Variants in TRIT1 observed in about 807,000 individuals in gnomAD.
TRIT1 encodes tRNA dimethylallyltransferase.
A neutral mutation model predicts 51.2 loss-of-function variants in TRIT1; 43 were observed. The ratio of observed to expected loss-of-function variants is 0.84; its 90% CI spans 0.66 to 1.08. The LOEUF (loss-of-function observed/expected upper bound fraction) is 1.08, where lower values mean the gene tolerates loss of function less well. Ranked by LOEUF, TRIT1 falls within the 50% of genes least tolerant of loss-of-function variation. TRIT1 has a pLI of 0.00. For missense variants in TRIT1, 528 were observed against 578.4 expected (o/e 0.91, Z 0.89); for synonymous variants, 184 against 203.9 (o/e 0.90, Z 0.83).
intron 1 of TRIT1, among the ~76,000 whole-genome samples, chr1:39,863,696 C>A: frequency 6.9e-6 from 1 of 145,870 alleles, no homozygotes; most frequent in African/African-American, 2.5e-5. Flanking sequence ...CTCTCCAAAT[C>A]AACAGAGCTG....
intron 2 of TRIT1, 40 bp from the exon 3 acceptor site, chr1:39,854,108 T>C (rs746116776): frequency 7.0e-7 from 1 of 1,432,058 alleles, no homozygotes; most frequent in Non-Finnish European, 9.7e-7. Flanking sequence ...AAGAGAATCC[T>C]GACTCACTTT....
intron 1 of TRIT1, among the ~76,000 whole-genome samples, chr1:39,880,552 G>A (rs1644225680): frequency 6.6e-6 from 1 of 152,148 alleles, no homozygotes; most frequent in Non-Finnish European, 1.5e-5. Flanking sequence ...TGGAATCCCA[G>A]CACTTTGGGA....
intron 2 of TRIT1, among the ~76,000 whole-genome samples, chr1:39,855,683 A>G (rs1373167801): frequency 6.6e-6 from 1 of 152,230 alleles, no homozygotes; most frequent in Non-Finnish European, 1.5e-5. Flanking sequence ...GAAAGTGAGC[A>G]AAGAAATGAA....
intron 2 of TRIT1, among the ~76,000 whole-genome samples, chr1:39,855,415 C>T (rs540950452): frequency 6.6e-6 from 1 of 152,296 alleles, no homozygotes; most frequent in East Asian, 1.9e-4. Flanking sequence ...ACAATTTCCA[C>T]AGTAAGATAA....
chr1:39,854,080 GA>G lies in TRIT1; in HGVS notation c.316-13del. On this transcript the variant is annotated splice_polypyrimidine_tract_variant and intron_variant, in intron 2 of 10. Coordinates refer to ENST00000316891, the MANE Select transcript of TRIT1 (RefSeq NM_017646.6). Reference sequence around the variant, plus strand: ...AATATATCTTCAATGTGAACATTAAGAAAGATATCACGATATCAAGAGAATC... The same window carrying G: ...AATATATCTTCAATGTGAACATTAAGAAGATATCACGATATCAAGAGAATC... 1.3e-6 allele frequency: 2 copies of G among 1,558,834 alleles called. No individual in the cohort carries two copies. The highest frequency in any genetic ancestry group is 8.8e-7 in the Non-Finnish European group (1 of 1,137,274).
rs12239482 is a variant in TRIT1, at chr1:39,848,203, C to A, written c.704-106G>T. 169 of 765,762 alleles carry A rather than the reference C, an allele frequency of 2.2e-4. 1 individual carries two copies. The East Asian group carries it at 2.6e-3, about 12-fold the overall frequency. 47.4% of individuals were successfully genotyped at this position (765,762 alleles called of 1,614,324 possible). A position where few individuals can be genotyped will look rare whatever the true frequency, so the allele number is the denominator to read the frequency against. ...CACAAAAAAAGAGAATTTGTCCAAA[C>A]GGAAGAAAGAATTCAGATTCCAAAG... is the stretch of plus-strand genomic sequence containing the variant. On this transcript the variant is annotated intron_variant, in intron 5 of 10. Transcript: ENST00000316891.
intron 1 of TRIT1, among the ~76,000 whole-genome samples, chr1:39,866,751 C>T (rs184331848): frequency 9.2e-5 from 14 of 152,214 alleles, no homozygotes; most frequent in Admixed American, 5.2e-4. Context: ...ATAGGAGGAT[C>T]GCTTGAGCTC....
At chr1:39,880,348 T>C (rs192748686) in intron 1 of TRIT1, among the ~76,000 whole-genome samples, 180 of 152,018 alleles carry the variant, frequency 1.2e-3, no homozygotes, top group Middle Eastern at 6.8e-3. Flanking sequence ...GTTGTTGATA[T>C]TTATTATTGC....
At chr1:39,879,692 G>C (rs557665755) in intron 1 of TRIT1, among the ~76,000 whole-genome samples, 14 of 151,590 alleles carry the variant, frequency 9.2e-5, no homozygotes, top group Non-Finnish European at 7.4e-5. Context: ...TGGCCAACAT[G>C]GTGAAACCCC....
chr1:39,852,935 G>A, intron 3 of TRIT1, 59 bp from the exon 4 acceptor site: 1 of 1,550,122 alleles, frequency 6.5e-7, no homozygotes, highest in Non-Finnish European at 8.8e-7. Context: ...CAGTGTATGT[G>A]CCAGGCACTT....
chr1:39,861,357 T>C (rs1643234083), intron 1 of TRIT1, among the ~76,000 whole-genome samples: 1 of 151,880 alleles, frequency 6.6e-6, no homozygotes, highest in Non-Finnish European at 1.5e-5. Flanking sequence ...CTCTAGAACT[T>C]AAAAACAACA....
At chr1:39,853,833 G>A in intron 3 of TRIT1, 137 bp downstream of exon 3, 1 of 625,538 alleles carries the variant, frequency 1.6e-6, no homozygotes, top group Non-Finnish European at 2.8e-6. Context: ...GGTGGCATTT[G>A]CTTGAGAATA....
At position 39,839,211 on chromosome 1, in the gene TRIT1, G is replaced by A. The variant is rs902608204; in HGVS notation, c.*2533C>T. Among the ~76,000 whole-genome samples the A allele has an allele frequency of 6.6e-6, 1 of 152,150 alleles. No individual in the cohort carries two copies. Among genetic ancestry groups the A allele is most frequent in the Non-Finnish European group, 1.5e-5 (1 of 68,026 alleles). On this transcript the variant is annotated 3_prime_UTR_variant, in exon 11 of 11. Transcript: ENST00000316891. The stretch of plus-strand genomic sequence containing the variant: ...TGGACTGGAGGGCTCTGCTTGCCTT[G>A]GGATTGCTATGGCCAGATGGTACAA...
rs1362678996 is a variant in TRIT1, at chr1:39,880,556, T to G, written c.174+2762A>C. ...TGGCTCATGCCTGGAATCCCAGCAC[T>G]TTGGGAGGCCAAGGCGGGCGGATCA... is the stretch of plus-strand genomic sequence containing the variant. On this transcript the variant is annotated intron_variant, in intron 1 of 10. Transcript: ENST00000316891. 2.0e-5 allele frequency among the ~76,000 whole-genome samples: 3 copies of G among 152,246 alleles called. No individual in the cohort carries two copies. In the East Asian group the frequency reaches 5.8e-4, roughly 30 times the overall value.
chr1:39,853,732 T>C (rs1642726710), intron 3 of TRIT1, among the ~76,000 whole-genome samples: 1 of 152,194 alleles, frequency 6.6e-6, no homozygotes, highest in Non-Finnish European at 1.5e-5. Context: ...TTAATTTATA[T>C]GGAGATGCTA....
chr1:39,881,001 T>C (rs1270283390), intron 1 of TRIT1, among the ~76,000 whole-genome samples: 2 of 152,056 alleles, frequency 1.3e-5, no homozygotes, highest in Middle Eastern at 3.4e-3. Context: ...GTGGATCACC[T>C]GAGGTCAGGA....
At chr1:39,865,274 T>C (rs965940411) in intron 1 of TRIT1, among the ~76,000 whole-genome samples, 7 of 152,214 alleles carry the variant, frequency 4.6e-5, no homozygotes, top group Admixed American at 6.5e-5. Flanking sequence ...CTCCATCTAC[T>C]TTACTGAGGC....
chr1:39,860,337 A>C (rs759873253), intron 1 of TRIT1, among the ~76,000 whole-genome samples: 4 of 152,222 alleles, frequency 2.6e-5, no homozygotes, highest in Non-Finnish European at 5.9e-5. Context: ...TAGACATCTG[A>C]TTTACATATA....
Position 39,841,482 on chromosome 1 carries a change from T to C in TRIT1, c.*262A>G, listed in dbSNP as rs915992314. Reference sequence around the variant, plus strand: ...TGTGCTGCTTTTAATAATAGAACCTTTAAGGTTCAAAGAAAAAAAAAATGC... The same window carrying C: ...TGTGCTGCTTTTAATAATAGAACCTCTAAGGTTCAAAGAAAAAAAAAATGC... On this transcript the variant is annotated 3_prime_UTR_variant, in exon 11 of 11. Transcript: ENST00000316891. The C allele has an allele frequency of 9.7e-6, 3 of 310,160 alleles. No homozygotes were observed. The Admixed American group carries it at 1.5e-4, about 15-fold the overall frequency. The allele number at this position is 310,160 out of a possible 1,614,324, so 19.2% of individuals were successfully genotyped here.
Sources: gnomAD v4.1 joint callset for allele counts (sites outside exome capture counted in the v4.1 genomes callset) on GRCh38, gnomAD v4.1.1 for gene constraint, MANE v1.5 for transcripts, NCBI Gene and HGNC (gene_info 2026-07-23, HGNC 2026-07-21) for gene names.